The following ABCC9 variants were observed in gnomAD, a reference collection of about 807,000 sequenced individuals.
ABCC9 encodes ATP-binding cassette sub-family C member 9.
In ABCC9, 95 loss-of-function variants were observed where a neutral mutation model predicts 188.3. That is an observed-to-expected ratio of 0.50 (90% CI 0.43 to 0.60). The LOEUF is 0.60. Ranked by LOEUF, ABCC9 falls within the 20% of genes least tolerant of loss-of-function variation. The pLI is 0.00. For synonymous variants in ABCC9, 659 were observed against 652.7 expected (o/e 1.01, Z -0.15); for missense variants, 1,102 against 1,876.3 (o/e 0.59, Z 7.62).
Position 21,808,044 on chromosome 12 carries a change from T to C in ABCC9, c.4316-565A>G, listed in dbSNP as rs894060635. Reference sequence around the variant, plus strand: ...ATAAATGAATATGTCCTCATTATCCTTTTCTTTTTTTTTGGTTTCCATCTA... The same window carrying C: ...ATAAATGAATATGTCCTCATTATCCCTTTCTTTTTTTTTGGTTTCCATCTA... On this transcript the variant is annotated intron_variant, in intron 37 of 39. Transcript: ENST00000261200. Among the ~76,000 whole-genome samples the C allele has an allele frequency of 3.3e-5, 5 of 152,164 alleles. 1 individual carries two copies. The highest frequency in any genetic ancestry group is 6.8e-3 in the Middle Eastern group (2 of 294).
intron 11 of ABCC9, 73 bp downstream of exon 11, chr12:21,908,004 T>C: frequency 1.3e-6 from 2 of 1,483,000 alleles, no homozygotes; most frequent in Admixed American, 3.6e-5. Context: ...TGGTATGTAT[T>C]AATTTCCTAT....
intron 31 of ABCC9, among the ~76,000 whole-genome samples, chr12:21,825,815 A>G (rs1180781483): frequency 6.6e-6 from 1 of 152,230 alleles, no homozygotes; most frequent in Middle Eastern, 3.4e-3. Context: ...ATAAACAAAA[A>G]TTGGATGAGG....
At chr12:21,901,441 T>A (rs1947745567) in intron 12 of ABCC9, among the ~76,000 whole-genome samples, 1 of 152,116 alleles carries the variant, frequency 6.6e-6, no homozygotes, top group South Asian at 2.1e-4. Context: ...CAGGATCAAA[T>A]TTACACATAA....
At chr12:21,805,415 G>C in intron 39 of ABCC9, 2 of 1,083,646 alleles carry the variant, frequency 1.8e-6, no homozygotes, top group South Asian at 2.7e-5. Flanking sequence ...ATATGAGCAA[G>C]AATCCACTTG....
chr12:21,844,252 G>T (rs1305763757), intron 28 of ABCC9, among the ~76,000 whole-genome samples: 1 of 152,018 alleles, frequency 6.6e-6, no homozygotes, highest in African/African-American at 2.4e-5. Context: ...TTTACTTCAT[G>T]ATGGTTCTCC....
intron 12 of ABCC9, among the ~76,000 whole-genome samples, chr12:21,895,618 T>C (rs989560883): frequency 2.0e-5 from 3 of 152,226 alleles, no homozygotes; most frequent in East Asian, 3.8e-4. Context: ...TTATTAGAAT[T>C]TACAAATGTG....
chr12:21,815,726 T>G, intron 34 of ABCC9, 37 bp downstream of exon 34: 1 of 1,608,852 alleles, frequency 6.2e-7, no homozygotes, highest in Non-Finnish European at 8.5e-7. Flanking sequence ...CTCAGAGGTT[T>G]TATGTATACA....
chr12:21,883,112 G>A (rs1329635969), intron 15 of ABCC9, among the ~76,000 whole-genome samples: 1 of 152,192 alleles, frequency 6.6e-6, no homozygotes, highest in Non-Finnish European at 1.5e-5. Context: ...TGCAAATGAT[G>A]GAAGTTAAAG....
chr12:21,803,131 A>G (rs954637324), intron 39 of ABCC9, among the ~76,000 whole-genome samples: 1 of 151,738 alleles, frequency 6.6e-6, no homozygotes, highest in Non-Finnish European at 1.5e-5. Context: ...CCTAATGTTT[A>G]TTTATCTTTG....
chr12:21,859,522 T>G, intron 22 of ABCC9, 64 bp downstream of exon 22: 1 of 1,513,594 alleles, frequency 6.6e-7, no homozygotes, highest in Non-Finnish European at 9.2e-7. Flanking sequence ...TTACACCTTT[T>G]TAAAGACTCA....
Position 21,799,188 on chromosome 12 carries a change from G to GTA in ABCC9, c.*1854_*1855dup, listed in dbSNP as rs1941314109. 1 of 145,586 alleles carries GTA rather than the reference G, an allele frequency of 6.9e-6. No homozygotes were observed. The highest frequency in any genetic ancestry group is 1.5e-5 in the Non-Finnish European group (1 of 67,154). 9.0% of individuals were successfully genotyped at this position (145,586 alleles called of 1,614,324 possible). A position where few individuals can be genotyped will look rare whatever the true frequency, so the allele number is the denominator to read the frequency against. On this transcript the variant is annotated 3_prime_UTR_variant, in exon 40 of 40. Transcript: ENST00000261200. ...GGTGCAGCGCACCAGCATGGCACATGTATATATATGTAACTAACCTGCACA... is the reference window on the plus strand; with the variant it reads ...GGTGCAGCGCACCAGCATGGCACATGTATATATATATGTAACTAACCTGCACA...
At chr12:21,919,519 T>C (rs1592236094) in intron 5 of ABCC9, among the ~76,000 whole-genome samples, 1 of 151,958 alleles carries the variant, frequency 6.6e-6, no homozygotes, top group Middle Eastern at 3.4e-3. Context: ...CTAAGGAAAT[T>C]AGACAATATA....
At chr12:21,876,647 A>G (rs528574178) in intron 16 of ABCC9, among the ~76,000 whole-genome samples, 1 of 152,358 alleles carries the variant, frequency 6.6e-6, no homozygotes, top group South Asian at 2.1e-4. Flanking sequence ...CAGTTATACA[A>G]ATAGGAAATA....
At chr12:21,810,758 A>G (rs1423500313) in intron 36 of ABCC9, among the ~76,000 whole-genome samples, 3 of 152,190 alleles carry the variant, frequency 2.0e-5, no homozygotes, top group Non-Finnish European at 4.4e-5. Flanking sequence ...AGTATTCATA[A>G]TAAATATATT....
At position 21,933,753 on chromosome 12, in the gene ABCC9, A is replaced by G. The variant is rs1406255896; in HGVS notation, c.284+29T>C. On this transcript the variant is annotated intron_variant, in intron 4 of 39. Coordinates refer to ENST00000261200, the MANE Select transcript of ABCC9 (RefSeq NM_020297.4). ...ATCAATATACCCACTGGTATACTGC[A>G]GTGGTATTATTTAACTTAGATCACT... is the stretch of plus-strand genomic sequence containing the variant. 6 of 1,611,624 alleles carry G rather than the reference A, an allele frequency of 3.7e-6. No homozygotes were observed. The Admixed American group carries it at 6.7e-5, about 18-fold the overall frequency.
At chr12:21,879,340 T>G (rs149479456) in intron 16 of ABCC9, among the ~76,000 whole-genome samples, 7 of 152,274 alleles carry the variant, frequency 4.6e-5, no homozygotes, top group Non-Finnish European at 8.8e-5. Context: ...TGAATTAAAA[T>G]TTAAAAGCAG....
chr12:21,928,416 G>A (rs965812605), intron 4 of ABCC9, among the ~76,000 whole-genome samples: 10 of 145,714 alleles, frequency 6.9e-5, no homozygotes, highest in Non-Finnish European at 1.0e-4. Context: ...AGGAAGGAAG[G>A]AAAGAAGAAA....
chr12:21,874,273 C>T (rs1946228072), intron 17 of ABCC9, among the ~76,000 whole-genome samples: 1 of 152,062 alleles, frequency 6.6e-6, no homozygotes, highest in Admixed American at 6.6e-5. Flanking sequence ...CAACACTAAA[C>T]ATCAGGGAAA....
chr12:21,843,354 C>T (rs1285798642), intron 28 of ABCC9, among the ~76,000 whole-genome samples: 1 of 152,118 alleles, frequency 6.6e-6, no homozygotes, highest in Non-Finnish European at 1.5e-5. Context: ...TTTGAATTCT[C>T]CATGCTGCTC....
Sources: allele counts gnomAD v4.1 joint callset (sites outside exome capture counted in the v4.1 genomes callset), GRCh38; gene constraint gnomAD v4.1.1; transcripts MANE v1.5; gene names NCBI Gene and HGNC (gene_info 2026-07-23, HGNC 2026-07-21).